The following NOTCH4 variants were observed in gnomAD, a reference collection of about 807,000 sequenced individuals.
NOTCH4 encodes the protein notch receptor 4, also known as neurogenic locus notch homolog protein 4.
Under a neutral mutation model 189.0 loss-of-function variants are expected in NOTCH4, and 138 were observed. The observed-to-expected ratio is 0.73, with a 90% confidence interval of 0.64 to 0.84. NOTCH4 has a LOEUF of 0.84. Ranked by LOEUF, NOTCH4 falls within the 40% of genes least tolerant of loss-of-function variation. The pLI is 0.00. For missense variants in NOTCH4, 2,286 were observed against 2,605.4 expected (o/e 0.88, Z 2.67); for synonymous variants, 942 against 1,032.8 (o/e 0.91, Z 1.69).
Position 32,221,031 on chromosome 6 carries a change from C to T in NOTCH4, c.746G>A (p.Cys249Tyr), listed in dbSNP as rs1426863947. ...GGAGTCTTTCTCTGGCATCAGCTGG[C>T]AGGTGCCCCCATTCGAACAGCCCCT... ...PPRGCSNGGT[C>Y]QLMPEKDSTF... The change falls in exon 4 of 30, where the codon TGC becomes TAC. Residue 249 changes from cysteine (C) to tyrosine (Y), a missense_variant. Physicochemically the swap from Cys to Tyr is radical, Grantham distance 194. Around this residue, in one of 2 missense-constraint regions of NOTCH4, gnomAD observed 1,903 missense variants for 2,261.9 expected, o/e 0.84. Transcript: ENST00000375023. This position sits in a 1 kb window ranked among gnomAD's most constrained non-coding sequence, Gnocchi z 4.3. The T allele has an allele frequency of 1.9e-6, 3 of 1,609,764 alleles. No homozygotes were observed. Among genetic ancestry groups the T allele is most frequent in the South Asian group, 2.2e-5 (2 of 90,968 alleles).
At chr6:32,214,352 C>T (rs1483348313) in intron 12 of NOTCH4, 97 bp from the exon 13 acceptor site, 2 of 1,390,118 alleles carry the variant, frequency 1.4e-6, no homozygotes, top group Non-Finnish European at 2.0e-6. Flanking sequence ...CTTCTTTTGG[C>T]CCTGAGATTC....
chr6:32,220,868 G>T lies in NOTCH4; in HGVS notation c.810C>A (p.Gly270=), dbSNP rs114640503. The T allele has an allele frequency of 3.4e-4, 547 of 1,613,690 alleles. 2 individuals carry two copies. The African/African-American group carries it at 6.8e-3, about 20-fold the overall frequency. The change falls in exon 5 of 30, where the codon GGC becomes GGA. Residue 270 remains glycine, a synonymous_variant. Transcript: ENST00000375023. ...TGTCTGGATTCACCTCACAGTCTGG[G>T]CCTATGAAACCTGACAGGGTCATGG... is the stretch of plus-strand genomic sequence containing the variant. The part of the protein sequence containing the change: ...HLCLCPPGFI[G]PDCEVNPDNC...
chr6:32,201,226 C>T lies in NOTCH4; in HGVS notation c.4030G>A (p.Gly1344Arg). 6.2e-7 allele frequency: 1 copy of T among 1,613,032 alleles called. No homozygotes were observed. The highest frequency in any genetic ancestry group is 8.5e-7 in the Non-Finnish European group (1 of 1,180,016). ...DGRDMVYPYP[G>R]ARAEEKLGGT... Reference sequence around the variant, plus strand: ...CCTAGCTTTTCTTCAGCCCGGGCCCCAGGATAGGGGTACACCATGTCCCTG... The same window carrying T: ...CCTAGCTTTTCTTCAGCCCGGGCCCTAGGATAGGGGTACACCATGTCCCTG... Residue 1344 changes from glycine to arginine, a missense_variant, in exon 22 of 30, where the codon GGG becomes AGG. Gly to Arg is a moderately radical substitution (Grantham distance 125). Around this residue, in one of 2 missense-constraint regions of NOTCH4, gnomAD observed 1,903 missense variants for 2,261.9 expected, o/e 0.84. Transcript: ENST00000375023. The surrounding 1 kb of genome is among the most constrained non-coding windows in gnomAD (Gnocchi z 5.5).
In NOTCH4 at chr6:32,203,796, G is replaced by C. The variant is rs1788499407; in HGVS notation, c.3205C>G (p.Leu1069Val). ...TTGGGGCAGTGGCAGATGAAACCCA[G>C]GGGTGATCCTGCTGTGGCCTCACAG... ...GTCEATAGSP[L>V]GFICHCPKGF... Residue 1069 changes from leucine (L) to valine (V), a missense_variant, in exon 20 of 30, where the codon CTG becomes GTG. Coordinates refer to ENST00000375023, the MANE Select transcript of NOTCH4 (RefSeq NM_004557.4). The C allele has an allele frequency of 6.4e-7, 1 of 1,558,414 alleles. No individual in the cohort carries two copies. Among genetic ancestry groups the C allele is most frequent in the South Asian group, 1.2e-5 (1 of 84,608 alleles).
chr6:32,202,441 A>G lies in NOTCH4; in HGVS notation c.3390T>C (p.Ala1130=). 2 of 1,612,186 alleles carry G rather than the reference A, an allele frequency of 1.2e-6. No homozygotes were observed. The highest frequency in any genetic ancestry group is 1.7e-6 in the Non-Finnish European group (2 of 1,179,672). The change falls in exon 21 of 30, where the codon GCT becomes GCC. Residue 1130 remains alanine (A), a synonymous_variant. Coordinates refer to ENST00000375023, the MANE Select transcript of NOTCH4 (RefSeq NM_004557.4). The surrounding 1 kb of genome is among the most constrained non-coding windows in gnomAD (Gnocchi z 5.7). The stretch of plus-strand genomic sequence containing the variant: ...GGGAGGGAGGGCCACAGCCTTTAGG[A>G]GCTGGTGGGGTCAGGCAGTCAGGAC... The part of the protein sequence containing the change: ...YGGPDCLTPP[A]PKGCGPPSPC...
intron 8 of NOTCH4, among the ~76,000 whole-genome samples, chr6:32,218,334 C>G (rs1444272276): frequency 6.6e-6 from 1 of 152,126 alleles, no homozygotes; most frequent in Non-Finnish European, 1.5e-5. Context: ...TTGCTGGGGA[C>G]CTGCGGGAGG....
At chr6:32,203,736 G>C (rs1417153618) in intron 20 of NOTCH4, 34 bp downstream of exon 20, 1 of 1,480,058 alleles carries the variant, frequency 6.8e-7, no homozygotes, top group Non-Finnish European at 9.2e-7. Context: ...TCAGCATAGG[G>C]GGCAACAGAG....
In NOTCH4 at chr6:32,201,006, C is replaced by G; in HGVS notation, c.4140G>C (p.Gly1380=). ...AATCCACACCCATGACCACCACAAA[C>G]CTGTAGAGGAGGCACCTCAGAGACC... ...LGKETDSLSA[G]FVVVMGVDLS... Residue 1380 remains glycine, a splice_region_variant and synonymous_variant, in exon 23 of 30, where the codon GGG becomes GGC. Coordinates refer to ENST00000375023, the MANE Select transcript of NOTCH4 (RefSeq NM_004557.4). This position sits in a 1 kb window ranked among gnomAD's most constrained non-coding sequence, Gnocchi z 5.5. The G allele has an allele frequency of 6.4e-7, 1 of 1,561,236 alleles. No homozygotes were observed. The highest frequency in any genetic ancestry group is 8.7e-7 in the Non-Finnish European group (1 of 1,153,862).
chr6:32,208,649 G>A (rs1788839774), intron 18 of NOTCH4, among the ~76,000 whole-genome samples: 1 of 152,170 alleles, frequency 6.6e-6, no homozygotes, highest in African/African-American at 2.4e-5. Flanking sequence ...TACAAGAATC[G>A]CTTGAATCTG....
In NOTCH4 at chr6:32,202,589, C is replaced by T. The variant is rs1239948019; in HGVS notation, c.3242G>A (p.Gly1081Asp). The change falls in exon 21 of 30, where the codon GGC becomes GAC. Residue 1081 changes from glycine to aspartate, a missense_variant. Physicochemically the swap from Gly to Asp is moderately conservative, Grantham distance 94. Around this residue, in one of 2 missense-constraint regions of NOTCH4, gnomAD observed 1,903 missense variants for 2,261.9 expected, o/e 0.84. Coordinates refer to ENST00000375023, the MANE Select transcript of NOTCH4 (RefSeq NM_004557.4). This position sits in a 1 kb window ranked among gnomAD's most constrained non-coding sequence, Gnocchi z 5.7. ...FICHCPKGFE[G>D]PTCSHRAPSC... is the part of the protein sequence containing the mutation. ...AGGGGCCCTGTGGCTGCAGGTGGGG[C>T]CTTCAAAACCCTGTGGAGGGGAGGG... is the stretch of plus-strand genomic sequence containing the variant. 2 of 1,585,806 alleles carry T rather than the reference C, an allele frequency of 1.3e-6. No homozygotes were observed. The highest frequency in any genetic ancestry group is 1.7e-6 in the Non-Finnish European group (2 of 1,161,642).
chr6:32,212,399 G>T lies in NOTCH4; in HGVS notation c.2680+75C>A. On this transcript the variant is annotated intron_variant, in intron 17 of 29. Transcript: ENST00000375023. This position sits in a 1 kb window ranked among gnomAD's most constrained non-coding sequence, Gnocchi z 4.4. ...TGTTTTGGCCAAAAGCTGTGTGGAA[G>T]CCCACAGGAACGGGGCAGGTGAGAA... is the stretch of plus-strand genomic sequence containing the variant. The T allele has an allele frequency of 1.4e-6, 2 of 1,420,912 alleles. No individual in the cohort carries two copies. Among genetic ancestry groups the T allele is most frequent in the Non-Finnish European group, 9.5e-7 (1 of 1,047,148 alleles). 88.0% of individuals were successfully genotyped at this position (1,420,912 alleles called of 1,614,324 possible).
intron 11 of NOTCH4, 48 bp from the exon 12 acceptor site, chr6:32,215,433 T>A (rs1252542293): frequency 3.3e-6 from 5 of 1,536,808 alleles, no homozygotes; most frequent in African/African-American, 1.4e-5. Context: ...TCCACATCCT[T>A]CATTGGGCCA....
At position 32,220,171 on chromosome 6, in the gene NOTCH4, A is replaced by G; in HGVS notation, c.1273T>C (p.Ser425Pro). 6.2e-7 allele frequency: 1 copy of G among 1,613,900 alleles called. No individual in the cohort carries two copies. Among genetic ancestry groups the G allele is most frequent in the Non-Finnish European group, 8.5e-7 (1 of 1,179,964 alleles). ...AGGTCCTGGTGGCAGGTGGGCCCCG[A>G]ATAGCCAGGCTGACACAGGCAGAGT... ...STLCLCQPGY[S>P]GPTCHQDLDE... Residue 425 changes from serine to proline, a missense_variant, in exon 7 of 30, where the codon TCG (serine) becomes CCG (proline). This residue lies in a region of NOTCH4 where 1,903 missense variants were observed against 2,261.9 expected (regional missense o/e 0.84). Transcript: ENST00000375023.
In NOTCH4 at chr6:32,220,977, C is replaced by T. The variant is rs200003047; in HGVS notation, c.799+1G>A. 1.9e-6 allele frequency: 3 copies of T among 1,599,830 alleles called. No homozygotes were observed. The highest frequency in any genetic ancestry group is 2.2e-5 in the East Asian group (1 of 44,678). ...GCCGGAGAGCCCCTGTGAGGACACA[C>T]CTGGGGGACAGAGGCAGAGGTGAAA... On this transcript the variant is annotated splice_donor_variant, in intron 4 of 29. Coordinates refer to ENST00000375023, the MANE Select transcript of NOTCH4 (RefSeq NM_004557.4). LOFTEE classifies it high-confidence loss of function.
chr6:32,196,481 T>C (rs1787935924), intron 28 of NOTCH4, 60 bp from the exon 29 acceptor site: 1 of 1,589,124 alleles, frequency 6.3e-7, no homozygotes, highest in Admixed American at 1.7e-5. Flanking sequence ...GGGTTCCGGT[T>C]TCCCACGGGT....
Position 32,222,718 on chromosome 6 carries a change from C to T in NOTCH4, c.244G>A (p.Ala82Thr), listed in dbSNP as rs1439086688. 6 of 1,610,232 alleles carry T rather than the reference C, an allele frequency of 3.7e-6. No individual in the cohort carries two copies. The highest frequency in any genetic ancestry group is 4.2e-6 in the Non-Finnish European group (5 of 1,178,774). The change falls in exon 3 of 30, where the codon GCC (alanine) becomes ACC (threonine). Residue 82 changes from alanine to threonine, a missense_variant. Transcript: ENST00000375023. ...AGCCCTAGGGGAGCGGGAAGCAGGGCTTGGCAGCTGCCTCCATTTTGGCAG... is the reference window on the plus strand; with the variant it reads ...AGCCCTAGGGGAGCGGGAAGCAGGGTTTGGCAGCTGCCTCCATTTTGGCAG... ...QLCQNGGSCQ[A>T]LLPAPLGLPS...
chr6:32,201,151 G>C lies in NOTCH4; in HGVS notation c.4105C>G (p.Pro1369Ala), dbSNP rs930453331. 1.2e-6 allele frequency: 2 copies of C among 1,612,420 alleles called. No homozygotes were observed. Among genetic ancestry groups the C allele is most frequent in the Non-Finnish European group, 1.7e-6 (2 of 1,179,654 alleles). ...AGGGAGTCGGTCTCCTTGCCCAGGGGCTGCGTTTGAGGGGCTGCTCTCTCC... is the reference window on the plus strand; with the variant it reads ...AGGGAGTCGGTCTCCTTGCCCAGGGCCTGCGTTTGAGGGGCTGCTCTCTCC... ...YQERAAPQTQ[P>A]LGKETDSLSA... is the part of the protein sequence containing the mutation. The change falls in exon 22 of 30, where the codon CCC becomes GCC. Residue 1369 changes from proline to alanine, a missense_variant. Transcript: ENST00000375023. The surrounding 1 kb of genome is among the most constrained non-coding windows in gnomAD (Gnocchi z 5.5).
intron 11 of NOTCH4, 87 bp from the exon 12 acceptor site, chr6:32,215,472 A>T: frequency 7.5e-7 from 1 of 1,328,608 alleles, no homozygotes; most frequent in African/African-American, 1.5e-5. Flanking sequence ...GGCCAAAGCC[A>T]CTTCTTATGC....
intron 2 of NOTCH4, 84 bp from the exon 3 acceptor site, chr6:32,222,890 C>T (rs1789877914): frequency 1.3e-6 from 2 of 1,557,686 alleles, no homozygotes; most frequent in African/African-American, 1.4e-5. Context: ...TCATTTGTTT[C>T]CCTTCATCTC....
Sources: gnomAD v4.1 joint callset for allele counts (sites outside exome capture counted in the v4.1 genomes callset) on GRCh38, gnomAD v4.1.1 for gene constraint, gnomAD v4.1.1 regional missense constraint, Gnocchi (gnomAD v3.1) non-coding constraint, MANE v1.5 for transcripts, NCBI Gene and HGNC (gene_info 2026-07-23, HGNC 2026-07-21) for gene names.